Variants in VWCE observed in about 807,000 individuals in gnomAD.
The protein encoded by VWCE is von Willebrand factor C and EGF domains, also known as von Willebrand factor C and EGF domain-containing protein.
A neutral mutation model predicts 102.9 loss-of-function variants in VWCE; 68 were observed. The ratio of observed to expected loss-of-function variants is 0.66; its 90% CI spans 0.54 to 0.81. The LOEUF is 0.81. Ranked by LOEUF, VWCE falls within the 30% of genes least tolerant of loss-of-function variation. VWCE has a pLI of 0.00. For missense variants in VWCE, 1,137 were observed against 1,263.6 expected, an observed-to-expected ratio of 0.90 and a Z score of 1.52; for synonymous variants, 497 against 515.4, an observed-to-expected ratio of 0.96 and a Z score of 0.48.
chr11:61,267,583 G>T (rs768275902), intron 15 of VWCE, 39 bp from the exon 16 acceptor site: 1 of 1,604,446 alleles, frequency 6.2e-7, no homozygotes, highest in Non-Finnish European at 8.5e-7. Context: ...AGCTGGGAGT[G>T]GCCAGGCACC....
At chr11:61,265,990 GAGCC>G (rs1399806988) in intron 16 of VWCE, among the ~76,000 whole-genome samples, 1 of 151,878 alleles carries the variant, frequency 6.6e-6, no homozygotes, top group African/African-American at 2.4e-5. Flanking sequence ...AGGTTGCAGT[GAGCC>G]AAGATTGTGC....
intron 6 of VWCE, 39 bp from the exon 7 acceptor site, chr11:61,281,953 G>C (rs1855157155): frequency 6.3e-7 from 1 of 1,594,402 alleles, no homozygotes. Context: ...GCTTTGTTTG[G>C]GCTACGGAGC....
intron 13 of VWCE, among the ~76,000 whole-genome samples, chr11:61,272,633 T>C (rs1027177772): frequency 4.7e-5 from 7 of 149,242 alleles, no homozygotes; most frequent in African/African-American, 1.7e-4. Context: ...AAAACACAGA[T>C]ACACACTCGT....
rs376730424 is a variant in VWCE, at chr11:61,281,190, C to T, written c.833G>A (p.Arg278Gln). Residue 278 changes from arginine to glutamine, a missense_variant, in exon 8 of 20, where the codon CGG becomes CAG. Coordinates refer to ENST00000335613, the MANE Select transcript of VWCE (RefSeq NM_152718.2). ...CAGAAGCATCTTGGACGGGTGTTGC[C>T]GGGGTTGCAGGATGGCAGATGGGGC... ...VLAPSAILQP[R>Q]QHPSKMLLLL... 268 of 1,612,992 alleles carry T rather than the reference C, an allele frequency of 1.7e-4. No individual in the cohort carries two copies. The highest frequency in any genetic ancestry group is 3.0e-4 in the South Asian group (27 of 91,028).
rs111318341 is a variant in VWCE at position 61,294,269 on chromosome 11, C to A, written c.110+659G>T. On this transcript the variant is annotated intron_variant, in intron 1 of 19. Coordinates refer to ENST00000335613, the MANE Select transcript of VWCE (RefSeq NM_152718.2). This position sits in a 1 kb window ranked among gnomAD's most constrained non-coding sequence, Gnocchi z 6.3. ...TGGCCGGGCCGCCCCCGCTGCGCGC[C>A]CCCCGGAGGACGTGGCCGCGGGCCA... Among the ~76,000 whole-genome samples the A allele has an allele frequency of 6.6e-6, 1 of 152,164 alleles. No individual in the cohort carries two copies. Among genetic ancestry groups the A allele is most frequent in the Non-Finnish European group, 1.5e-5 (1 of 68,012 alleles).
Position 61,280,669 on chromosome 11 carries a change from G to A in VWCE, c.1279C>T (p.His427Tyr). The A allele has an allele frequency of 6.2e-7, 1 of 1,613,902 alleles. No individual in the cohort carries two copies. Among genetic ancestry groups the A allele is most frequent in the East Asian group, 2.2e-5 (1 of 44,842 alleles). Reference protein sequence around the residue: ...EKVRCEAACSHPIPSRDGGCC... With the variant: ...EKVRCEAACSYPIPSRDGGCC... ...CCACCATCTCTGGAGGGAATTGGGT[G>A]GGAACAAGCAGCTTCACACCTCACC... The change falls in exon 9 of 20, where the codon CAC (histidine) becomes TAC (tyrosine). Residue 427 changes from histidine (H) to tyrosine (Y), a missense_variant. This residue lies in a region of VWCE where 575 missense variants were observed against 625.9 expected (regional missense o/e 0.92). Transcript: ENST00000335613.
Position 61,294,922 on chromosome 11 carries a change from G to C in VWCE, c.110+6C>G, listed in dbSNP as rs372997955. ...GGGGGAGCGGGGAGGAGCTCCGGGCGCTTACCTCTCGGCCGCGAAGTGCCC... is the reference window on the plus strand; with the variant it reads ...GGGGGAGCGGGGAGGAGCTCCGGGCCCTTACCTCTCGGCCGCGAAGTGCCC... On this transcript the variant is annotated splice_donor_region_variant and intron_variant, in intron 1 of 19. Transcript: ENST00000335613. The surrounding 1 kb of genome is among the most constrained non-coding windows in gnomAD (Gnocchi z 6.3). The C allele has an allele frequency of 1.8e-5, 25 of 1,406,000 alleles. No homozygotes were observed. The highest frequency in any genetic ancestry group is 2.1e-5 in the Non-Finnish European group (23 of 1,074,278). The allele number at this position is 1,406,000 out of a possible 1,614,324, so 87.1% of individuals were successfully genotyped here. A position where few individuals can be genotyped will look rare whatever the true frequency, so the allele number is the denominator to read the frequency against.
intron 7 of VWCE, 42 bp downstream of exon 7, chr11:61,281,744 G>T: frequency 6.3e-7 from 1 of 1,577,216 alleles, no homozygotes; most frequent in Non-Finnish European, 8.6e-7. Flanking sequence ...AGGCACTGAG[G>T]GGGCGTGGCC....
intron 14 of VWCE, 76 bp downstream of exon 14, chr11:61,271,599 G>T: frequency 1.4e-6 from 2 of 1,425,796 alleles, no homozygotes; most frequent in Non-Finnish European, 9.7e-7. Context: ...CTCTGGAGGG[G>T]CCAGGACGCT....
chr11:61,294,995 G>A lies in VWCE; in HGVS notation c.43C>T (p.Leu15=). The change falls in exon 1 of 20, where the codon CTG becomes TTG. Residue 15 remains leucine (L), a synonymous_variant. Coordinates refer to ENST00000335613, the MANE Select transcript of VWCE (RefSeq NM_152718.2). This position sits in a 1 kb window ranked among gnomAD's most constrained non-coding sequence, Gnocchi z 6.3. ...LLLRAACVAL[L]LPGAPARGYT... ...CCTCGGGCTGGTGCCCCCGGCAGCA[G>A]GAGCGCGACACAGGCGGCCCGAAGG... 2 of 1,473,726 alleles carry A rather than the reference G, an allele frequency of 1.4e-6. No homozygotes were observed. Among genetic ancestry groups the A allele is most frequent in the Non-Finnish European group, 1.8e-6 (2 of 1,113,890 alleles). 91.3% of individuals were successfully genotyped at this position (1,473,726 alleles called of 1,614,324 possible).
chr11:61,278,393 C>T lies in VWCE; in HGVS notation c.1407+1G>A. The T allele has an allele frequency of 6.2e-7, 1 of 1,614,090 alleles. No homozygotes were observed. The highest frequency in any genetic ancestry group is 8.5e-7 in the Non-Finnish European group (1 of 1,180,002). ...GGCTTTGAGGATCTTGTGACGCTTA[C>T]CAGACAGACACAGACGGTGCAGTTC... On this transcript the variant is annotated splice_donor_variant, in intron 10 of 19. Transcript: ENST00000335613. LOFTEE classifies it high-confidence loss of function.
chr11:61,293,241 C>CAAAAAA (rs764741197), intron 1 of VWCE, among the ~76,000 whole-genome samples: 267 of 18,024 alleles, frequency 0.015, 48 homozygotes, highest in African/African-American at 0.049. Context: ...AACTCCATCT[C>CAAAAAA]AAAAAAAAAA....
intron 4 of VWCE, among the ~76,000 whole-genome samples, chr11:61,290,323 C>A (rs1208122335): frequency 2.6e-5 from 4 of 152,092 alleles, no homozygotes; most frequent in Non-Finnish European, 4.4e-5. Flanking sequence ...ACCACCCTGG[C>A]CAACATGGCA....
intron 6 of VWCE, 159 bp downstream of exon 6, chr11:61,282,630 C>A (rs1855177952): frequency 3.0e-6 from 2 of 662,026 alleles, no homozygotes; most frequent in Admixed American, 2.4e-5. Flanking sequence ...GCCACACCAA[C>A]CCCAGGGACA....
chr11:61,272,318 A>T (rs1321744472), intron 13 of VWCE, among the ~76,000 whole-genome samples: 2 of 152,132 alleles, frequency 1.3e-5, no homozygotes, highest in African/African-American at 4.8e-5. Flanking sequence ...ACACACAGAT[A>T]CTACTCAGAG....
intron 3 of VWCE, 95 bp downstream of exon 3, chr11:61,291,169 G>A (rs1855491548): frequency 2.3e-6 from 3 of 1,307,452 alleles, no homozygotes; most frequent in Non-Finnish European, 3.1e-6. Flanking sequence ...GTCTGAAGCT[G>A]AGACACCAGG....
At position 61,281,790 on chromosome 11, in the gene VWCE, A is replaced by G. The variant is rs1266310998; in HGVS notation, c.783T>C (p.Cys261=). 4 of 1,611,878 alleles carry G rather than the reference A, an allele frequency of 2.5e-6. No individual in the cohort carries two copies. In the South Asian group the frequency reaches 4.4e-5, roughly 18 times the overall value. ...GFRLRADRVS[C]EAFPKAVLAP... ...ATGGAGGGGCCTGGCGCTCACCTTC[A>G]CAGGACACGCGGTCAGCTCGGAGCC... The change falls in exon 7 of 20, where the codon TGT becomes TGC. Residue 261 remains cysteine, a synonymous_variant. Coordinates refer to ENST00000335613, the MANE Select transcript of VWCE (RefSeq NM_152718.2).
At chr11:61,269,468 A>G (rs1236855909) in intron 14 of VWCE, 10 of 158,682 alleles carry the variant, frequency 6.3e-5, no homozygotes, top group Admixed American at 3.5e-4. Flanking sequence ...TCTTTTTAAG[A>G]CGGAGTCTCA....
At chr11:61,268,857 G>C in intron 15 of VWCE, 65 bp downstream of exon 15, 1 of 1,537,540 alleles carries the variant, frequency 6.5e-7, no homozygotes, top group Non-Finnish European at 9.0e-7. Flanking sequence ...GGCTGTATAG[G>C]GCTTAAGGAG....
Sources: allele counts gnomAD v4.1 joint callset (sites outside exome capture counted in the v4.1 genomes callset), GRCh38; gene constraint gnomAD v4.1.1; regional missense constraint gnomAD v4.1.1; non-coding constraint Gnocchi (gnomAD v3.1); transcripts MANE v1.5; gene names NCBI Gene and HGNC (gene_info 2026-07-23, HGNC 2026-07-21).